DGKD: variants seen among roughly 807,000 people sequenced by gnomAD.
DGKD encodes DAG kinase delta.
DGKD carries 68 observed loss-of-function variants against 154.4 expected under a neutral mutation model. The ratio of observed to expected loss-of-function variants is 0.44; its 90% CI spans 0.36 to 0.54. The LOEUF (loss-of-function observed/expected upper bound fraction) is 0.54, where lower values mean the gene tolerates loss of function less well. DGKD is among the 20% of genes least tolerant of loss of function. The pLI, the probability that DGKD is intolerant of heterozygous loss-of-function variation, is 0.00. For synonymous variants in DGKD, 693 were observed against 638.0 expected, an observed-to-expected ratio of 1.09 and a Z score of -1.30; for missense variants, 1,343 against 1,593.6, an observed-to-expected ratio of 0.84 and a Z score of 2.68.
intron 8 of DGKD, among the ~76,000 whole-genome samples, chr2:233,437,794 AC>A (rs1389528285): frequency 1.3e-5 from 2 of 152,068 alleles, no homozygotes; most frequent in East Asian, 3.9e-4. Context: ...GTTGAGTGCA[AC>A]CCAGGTCTGG....
At chr2:233,426,114 C>T (rs1221246924) in intron 3 of DGKD, among the ~76,000 whole-genome samples, 1 of 152,160 alleles carries the variant, frequency 6.6e-6, no homozygotes, top group African/African-American at 2.4e-5. Flanking sequence ...TATAAGACAG[C>T]GTTTTTTCAT....
In DGKD at chr2:233,354,542, T is replaced by G. The variant is rs995107287; in HGVS notation, c.24T>G (p.Pro8=). 2.0e-6 allele frequency: 2 copies of G among 999,218 alleles called. No individual in the cohort carries two copies. Among genetic ancestry groups the G allele is most frequent in the East Asian group, 1.1e-4 (1 of 8,882 alleles). The allele number at this position is 999,218 out of a possible 1,614,324, so 61.9% of individuals were successfully genotyped here. MAAAAGA[P]PPGPPQPPPP... ...GCATGGCGGCGGCGGCGGGCGCCCCTCCGCCGGGTCCCCCGCAACCGCCTC... is the reference window on the plus strand; with the variant it reads ...GCATGGCGGCGGCGGCGGGCGCCCCGCCGCCGGGTCCCCCGCAACCGCCTC... The change falls in exon 1 of 30, where the codon CCT becomes CCG. Residue 8 remains proline, a synonymous_variant. Transcript: ENST00000264057. The surrounding 1 kb of genome is among the most constrained non-coding windows in gnomAD (Gnocchi z 4.8).
At chr2:233,432,825 A>G (rs1213814617) in intron 3 of DGKD, among the ~76,000 whole-genome samples, 7 of 152,254 alleles carry the variant, frequency 4.6e-5, no homozygotes, top group Admixed American at 4.6e-4. Flanking sequence ...ACATATGGCA[A>G]GTAGGTATAT....
At chr2:233,460,069 TAAAA>T (rs780838849) in intron 23 of DGKD, 121 bp from the exon 24 acceptor site, 4 of 1,372,310 alleles carry the variant, frequency 2.9e-6, no homozygotes, top group Non-Finnish European at 3.8e-6. Context: ...CCCCTAATGT[TAAAA>T]AAAAAAAAAA....
intron 19 of DGKD, 87 bp from the exon 20 acceptor site, chr2:233,456,812 T>A: frequency 1.0e-6 from 1 of 981,384 alleles, no homozygotes; most frequent in Non-Finnish European, 1.6e-6. Context: ...GTGGGTCAGA[T>A]GCTGTTCCCA....
Position 233,460,343 on chromosome 2 carries a change from C to T in DGKD, c.2979C>T (p.His993=). Residue 993 remains histidine (H), a splice_region_variant and synonymous_variant, in exon 24 of 30, where the codon CAC becomes CAT. Coordinates refer to ENST00000264057, the MANE Select transcript of DGKD (RefSeq NM_152879.3). The part of the protein sequence containing the change: ...QFGQAAGVLI[H]SIREIAQSHR... Reference sequence around the variant, plus strand: ...GGCAGGCAGCAGGGGTCCTCATTCACAGGTGGGCTCCTACCCCTCTGCGTT... The same window carrying T: ...GGCAGGCAGCAGGGGTCCTCATTCATAGGTGGGCTCCTACCCCTCTGCGTT... 6.2e-7 allele frequency: 1 copy of T among 1,613,906 alleles called. No homozygotes were observed. The highest frequency in any genetic ancestry group is 8.5e-7 in the Non-Finnish European group (1 of 1,179,956).
chr2:233,366,403 A>G (rs896470155), intron 1 of DGKD, among the ~76,000 whole-genome samples: 8 of 152,122 alleles, frequency 5.3e-5, no homozygotes, highest in Non-Finnish European at 1.0e-4. Context: ...AGGAGGTGAC[A>G]TTGTGAGAAC....
intron 3 of DGKD, among the ~76,000 whole-genome samples, chr2:233,423,619 C>T (rs1471913855): frequency 6.6e-6 from 1 of 152,186 alleles, no homozygotes; most frequent in Admixed American, 6.5e-5. Context: ...TTGGCCTCCT[C>T]TGGATACTCT....
At chr2:233,429,072 A>G (rs1015896247) in intron 3 of DGKD, 8 of 974,364 alleles carry the variant, frequency 8.2e-6, no homozygotes, top group African/African-American at 1.8e-5. Context: ...GTAGTGCCCA[A>G]TACCCACAAA....
In DGKD at chr2:233,458,736, C is replaced by G. The variant is rs183130098; in HGVS notation, c.2694+339C>G. Among the ~76,000 whole-genome samples, 2 of 151,968 alleles carry G rather than the reference C, an allele frequency of 1.3e-5. No individual in the cohort carries two copies. Among genetic ancestry groups the G allele is most frequent in the Non-Finnish European group, 2.9e-5 (2 of 67,988 alleles). ...AAGTGATTCTCCCGCCTCAGCCTTC[C>G]GAGTAGCTGGGACTACAAGTGCCCA... On this transcript the variant is annotated intron_variant, in intron 22 of 29. Coordinates refer to ENST00000264057, the MANE Select transcript of DGKD (RefSeq NM_152879.3). This position sits in a 1 kb window ranked among gnomAD's most constrained non-coding sequence, Gnocchi z 6.6.
In DGKD at chr2:233,458,221, G is replaced by C. The variant is rs2063519006; in HGVS notation, c.2581-63G>C. ...TGACCCCCAGAGGGAGGGAGTGAGG[G>C]TAGGGGCGGCCTGTGCTCGGGGATG... On this transcript the variant is annotated intron_variant, in intron 21 of 29. Coordinates refer to ENST00000264057, the MANE Select transcript of DGKD (RefSeq NM_152879.3). This position sits in a 1 kb window ranked among gnomAD's most constrained non-coding sequence, Gnocchi z 6.6. 1 of 1,111,276 alleles carries C rather than the reference G, an allele frequency of 9.0e-7. No individual in the cohort carries two copies. The highest frequency in any genetic ancestry group is 1.3e-6 in the Non-Finnish European group (1 of 742,102). The allele number at this position is 1,111,276 out of a possible 1,614,324, so 68.8% of individuals were successfully genotyped here.
At chr2:233,400,328 C>A (rs2061528733) in intron 3 of DGKD, among the ~76,000 whole-genome samples, 1 of 152,096 alleles carries the variant, frequency 6.6e-6, no homozygotes, top group Admixed American at 6.5e-5. Context: ...AGGCCTGAGC[C>A]CTGGCCAGGT....
At position 233,419,902 on chromosome 2, in the gene DGKD, G is replaced by T. The variant is rs552331952; in HGVS notation, c.349-14478G>T. Among the ~76,000 whole-genome samples the T allele has an allele frequency of 1.2e-4, 18 of 152,184 alleles. No individual in the cohort carries two copies. The East Asian group carries it at 3.5e-3, about 29-fold the overall frequency. ...AGGGGTGTGTGTTGGGAGGGAAGGT[G>T]TTTTTGCTGTTCTCCTCTAAAAGCT... On this transcript the variant is annotated intron_variant, in intron 3 of 29. Transcript: ENST00000264057.
chr2:233,358,639 C>T (rs1701635050), intron 1 of DGKD, among the ~76,000 whole-genome samples: 1 of 152,192 alleles, frequency 6.6e-6, no homozygotes. Context: ...GGTCATTTTA[C>T]ATAAATGGAA....
chr2:233,413,696 T>C (rs2061887220), intron 3 of DGKD, among the ~76,000 whole-genome samples: 1 of 152,206 alleles, frequency 6.6e-6, no homozygotes, highest in Non-Finnish European at 1.5e-5. Context: ...TGGGACCGTG[T>C]CGTCACTGTG....
Position 233,372,593 on chromosome 2 carries a change from C to CT in DGKD, c.157-15654dup, listed in dbSNP as rs60611265. ...GTTTGTCAAGAATTAAGACATAAGT[C>CT]TTTTTTTTTTAATTTTTATTTTTTT... On this transcript the variant is annotated intron_variant, in intron 1 of 29. Coordinates refer to ENST00000264057, the MANE Select transcript of DGKD (RefSeq NM_152879.3). Among the ~76,000 whole-genome samples the CT allele has an allele frequency of 2.9e-3, 433 of 147,332 alleles. 3 individuals carry two copies. Among genetic ancestry groups the CT allele is most frequent in the African/African-American group, 9.8e-3 (392 of 40,134 alleles).
chr2:233,406,413 C>T (rs1376470054), intron 3 of DGKD, among the ~76,000 whole-genome samples: 1 of 152,076 alleles, frequency 6.6e-6, no homozygotes, highest in African/African-American at 2.4e-5. Context: ...TCTTTCACAC[C>T]AAAGAAAGTA....
rs898835393 is a variant in DGKD, at chr2:233,438,739, T to C, written c.1085+360T>C. Reference sequence around the variant, plus strand: ...TTTCTTTCATTTTATAATTTTTTATTTATCTGTCTATCTATCATCTATCTA... The same window carrying C: ...TTTCTTTCATTTTATAATTTTTTATCTATCTGTCTATCTATCATCTATCTA... On this transcript the variant is annotated intron_variant, in intron 9 of 29. Transcript: ENST00000264057. This position sits in a 1 kb window ranked among gnomAD's most constrained non-coding sequence, Gnocchi z 4.1. Among the ~76,000 whole-genome samples the C allele has an allele frequency of 7.2e-6, 1 of 139,488 alleles. No individual in the cohort carries two copies. The highest frequency in any genetic ancestry group is 1.6e-5 in the Non-Finnish European group (1 of 63,724). 91.5% of individuals were successfully genotyped at this position (139,488 alleles called of 152,430 possible). A position where few individuals can be genotyped will look rare whatever the true frequency, so the allele number is the denominator to read the frequency against.
chr2:233,365,701 A>C (rs1404681520), intron 1 of DGKD, among the ~76,000 whole-genome samples: 2 of 152,258 alleles, frequency 1.3e-5, no homozygotes, highest in South Asian at 4.1e-4. Flanking sequence ...TTGAAATTAT[A>C]GAGTATGTTC....
Sources: gnomAD v4.1 joint callset for allele counts (sites outside exome capture counted in the v4.1 genomes callset) on GRCh38, gnomAD v4.1.1 for gene constraint, Gnocchi (gnomAD v3.1) non-coding constraint, MANE v1.5 for transcripts, NCBI Gene and HGNC (gene_info 2026-07-23, HGNC 2026-07-21) for gene names.